PGS1: variants seen among roughly 807,000 people sequenced by gnomAD.
PGS1 encodes the protein CDP-diacylglycerol--glycerol-3-phosphate 3-phosphatidyltransferase, mitochondrial.
A neutral mutation model predicts 58.3 loss-of-function variants in PGS1; 44 were observed. That is an observed-to-expected ratio of 0.75 (90% CI 0.59 to 0.97). The LOEUF (loss-of-function observed/expected upper bound fraction) is 0.97, where lower values mean the gene tolerates loss of function less well. Among genes scored for constraint, PGS1 ranks in the 50% least tolerant of loss-of-function variants. PGS1 has a pLI of 0.00. For missense variants in PGS1, 684 were observed against 731.1 expected, an observed-to-expected ratio of 0.94 and a Z score of 0.74; for synonymous variants, 330 against 311.0, an observed-to-expected ratio of 1.06 and a Z score of -0.64.
intron 1 of PGS1, among the ~76,000 whole-genome samples, chr17:78,384,679 G>A (rs982849452): frequency 2.0e-5 from 3 of 152,134 alleles, no homozygotes; most frequent in Admixed American, 2.0e-4. Flanking sequence ...TATGGAGAGC[G>A]CAACTTCTGC....
rs181621621 is a variant in PGS1 at position 78,380,629 on chromosome 17, C to T, written c.143+1821C>T. On this transcript the variant is annotated intron_variant, in intron 1 of 9. Transcript: ENST00000262764. ...ATGACTTCTACGTCCTGGCATCAAA[C>T]CACTGAGATTTGGTTTACAGTTTCA... 1.4e-3 allele frequency among the ~76,000 whole-genome samples: 216 copies of T among 152,290 alleles called. 2 individuals are homozygous for T. Among genetic ancestry groups the T allele is most frequent in the African/African-American group, 4.8e-3 (200 of 41,538 alleles).
At chr17:78,421,455 A>AAGGAC (rs1433545929) in intron 9 of PGS1, 1 of 152,320 alleles carries the variant, frequency 6.6e-6, no homozygotes, top group African/African-American at 2.4e-5. Context: ...GGTCTTAGAC[A>AAGGAC]AGGACAGTTG....
intron 8 of PGS1, among the ~76,000 whole-genome samples, chr17:78,417,393 C>A (rs1255518741): frequency 6.6e-6 from 1 of 152,182 alleles, no homozygotes; most frequent in Non-Finnish European, 1.5e-5. Flanking sequence ...ATGTCTGTGA[C>A]ACGCGGGGCT....
intron 7 of PGS1, among the ~76,000 whole-genome samples, chr17:78,411,305 G>A (rs2084669409): frequency 6.6e-6 from 1 of 152,228 alleles, no homozygotes; most frequent in African/African-American, 2.4e-5. Flanking sequence ...TGCCATGGAG[G>A]CCAGGAGTGC....
At chr17:78,397,239 A>G (rs1157588198) in intron 3 of PGS1, among the ~76,000 whole-genome samples, 1 of 107,878 alleles carries the variant, frequency 9.3e-6, no homozygotes, top group Non-Finnish European at 2.2e-5. Flanking sequence ...GAATGAGATC[A>G]CTGCTTTCTC....
intron 1 of PGS1, among the ~76,000 whole-genome samples, chr17:78,385,113 GTTTC>G (rs773069890): frequency 3.4e-4 from 51 of 152,074 alleles, no homozygotes; most frequent in Non-Finnish European, 5.4e-4. Flanking sequence ...TTTTCCCCAG[GTTTC>G]TTTCTTTCTT....
At chr17:78,385,052 A>G (rs556066534) in intron 1 of PGS1, among the ~76,000 whole-genome samples, 1 of 152,376 alleles carries the variant, frequency 6.6e-6, no homozygotes, top group East Asian at 1.9e-4. Flanking sequence ...GCGCAGCTGC[A>G]GAACGGTGAA....
intron 1 of PGS1, among the ~76,000 whole-genome samples, chr17:78,389,053 C>CTTT (rs5822252): frequency 0.021 from 2,000 of 95,846 alleles, 140 homozygotes; most frequent in African/African-American, 0.07. Context: ...CCTCTTCTTC[C>CTTT]TTTTTTTTTT....
At chr17:78,380,041 T>C (rs1488587007) in intron 1 of PGS1, among the ~76,000 whole-genome samples, 1 of 151,822 alleles carries the variant, frequency 6.6e-6, no homozygotes, top group South Asian at 2.1e-4. Context: ...TAATTTTGTA[T>C]TTTTAGTAGA....
chr17:78,423,525 A>AC lies in PGS1; in HGVS notation c.*11-532dup, dbSNP rs140862638. ...CAGAGGGTGTGAGTGCCAAGCCCTC[A>AC]CCCCACATGCTGCTCCTGTTAAAAG... On this transcript the variant is annotated intron_variant, in intron 9 of 9. Transcript: ENST00000262764. Among the ~76,000 whole-genome samples the AC allele has an allele frequency of 5.7e-4, 86 of 152,140 alleles. No individual in the cohort carries two copies. The East Asian group carries it at 0.016, about 28-fold the overall frequency.
Position 78,381,229 on chromosome 17 carries a change from T to A in PGS1, c.143+2421T>A, listed in dbSNP as rs556082907. On this transcript the variant is annotated intron_variant, in intron 1 of 9. Transcript: ENST00000262764. Reference sequence around the variant, plus strand: ...TTTCTAATCTCTTTTTTTTGTAAATTGTGTGAGTGGATGCAGTTTGTGTGC... The same window carrying A: ...TTTCTAATCTCTTTTTTTTGTAAATAGTGTGAGTGGATGCAGTTTGTGTGC... Among the ~76,000 whole-genome samples, 110 of 152,258 alleles carry A rather than the reference T, an allele frequency of 7.2e-4. No individual in the cohort carries two copies. In the Middle Eastern group the frequency reaches 0.01, roughly 14 times the overall value.
At chr17:78,381,121 G>C (rs1349171474) in intron 1 of PGS1, 2 of 152,282 alleles carry the variant, frequency 1.3e-5, no homozygotes, top group Non-Finnish European at 2.9e-5. Context: ...TGGGATTACA[G>C]GTGTGAGCCA....
chr17:78,424,013 T>C, intron 9 of PGS1, 48 bp from the exon 10 acceptor site: 1 of 1,614,060 alleles, frequency 6.2e-7, no homozygotes, highest in Non-Finnish European at 8.5e-7. Flanking sequence ...ATGCGTGTTT[T>C]GTACACGGGA....
chr17:78,395,204 T>C (rs2083139804), intron 2 of PGS1, among the ~76,000 whole-genome samples: 3 of 152,262 alleles, frequency 2.0e-5, no homozygotes, highest in Admixed American at 2.0e-4. Flanking sequence ...TGTCCTGTAG[T>C]AAACAGTCAG....
At chr17:78,413,282 A>G (rs2084884098) in intron 7 of PGS1, among the ~76,000 whole-genome samples, 1 of 152,198 alleles carries the variant, frequency 6.6e-6, no homozygotes, top group African/African-American at 2.4e-5. Flanking sequence ...ACCGTCTTCT[A>G]TTTTAGGAGC....
chr17:78,419,766 A>G (rs1483368369), intron 9 of PGS1, 91 bp downstream of exon 9: 3 of 1,576,964 alleles, frequency 1.9e-6, no homozygotes, highest in Non-Finnish European at 8.6e-7. Flanking sequence ...GAGCTTCCAG[A>G]GGGCTCTTTG....
intron 2 of PGS1, 66 bp from the exon 3 acceptor site, chr17:78,396,242 G>C: frequency 8.2e-7 from 1 of 1,213,362 alleles, no homozygotes; most frequent in African/African-American, 1.5e-5. Flanking sequence ...CAGGTCAAAG[G>C]GTTCTGTTTT....
At position 78,392,633 on chromosome 17, in the gene PGS1, T is replaced by G. The variant is rs2082910163; in HGVS notation, c.301T>G (p.Ser101Ala). 2.5e-6 allele frequency: 4 copies of G among 1,614,100 alleles called. No homozygotes were observed. The South Asian group carries it at 4.4e-5, about 18-fold the overall frequency. Residue 101 changes from serine to alanine, a missense_variant, in exon 2 of 10, where the codon TCT becomes GCT. Transcript: ENST00000262764. ...CTCCAGTTCTCACGTTAGGGTGCTT[T>G]CTTCCCCGGCAGAGTTTTTCGAGCT... ...GVSSSHVRVL[S>A]SPAEFFELMK...
At chr17:78,415,341 G>A (rs921760837) in intron 8 of PGS1, among the ~76,000 whole-genome samples, 3 of 152,150 alleles carry the variant, frequency 2.0e-5, no homozygotes, top group Non-Finnish European at 2.9e-5. Context: ...TTAAAGGTTC[G>A]GCATTGGGGC....
Sources: gnomAD v4.1 joint callset for allele counts (sites outside exome capture counted in the v4.1 genomes callset) on GRCh38, gnomAD v4.1.1 for gene constraint, MANE v1.5 for transcripts, NCBI Gene and HGNC (gene_info 2026-07-23, HGNC 2026-07-21) for gene names.